Variants in CDH4 observed in about 807,000 individuals in gnomAD.
The protein encoded by CDH4 is cadherin-4.
A neutral mutation model predicts 86.0 loss-of-function variants in CDH4; 33 were observed. That is an observed-to-expected ratio of 0.38 (90% CI 0.29 to 0.51). The LOEUF (loss-of-function observed/expected upper bound fraction) is 0.51, where lower values mean the gene tolerates loss of function less well. Ranked by LOEUF, CDH4 falls within the 20% of genes least tolerant of loss-of-function variation. The pLI, the probability that CDH4 is intolerant of heterozygous loss-of-function variation, is 0.86. For missense variants in CDH4, 1,114 were observed against 1,307.4 expected (o/e 0.85, Z 2.28); for synonymous variants, 555 against 549.4 (o/e 1.01, Z -0.14).
intron 2 of CDH4, among the ~76,000 whole-genome samples, chr20:61,404,802 G>A (rs967682147): frequency 1.3e-5 from 2 of 151,698 alleles, no homozygotes; most frequent in African/African-American, 4.8e-5. Flanking sequence ...TGTAATCCCA[G>A]CACTTTAGGA....
At chr20:61,274,122 T>A (rs1217120980) in intron 2 of CDH4, among the ~76,000 whole-genome samples, 1 of 125,696 alleles carries the variant, frequency 8.0e-6, no homozygotes, top group Non-Finnish European at 1.6e-5. Flanking sequence ...TTTGGGGGAG[T>A]ATTGGAGTAC....
chr20:61,534,080 C>T (rs944414356), intron 2 of CDH4, among the ~76,000 whole-genome samples: 2 of 152,214 alleles, frequency 1.3e-5, no homozygotes, highest in Non-Finnish European at 2.9e-5. Flanking sequence ...AACTCAATTT[C>T]TATCTTAAAT....
chr20:61,899,399 C>T (rs1776249), intron 8 of CDH4, among the ~76,000 whole-genome samples: 19,567 of 151,970 alleles, frequency 0.13, 2,940 homozygotes, highest in East Asian at 0.44. Flanking sequence ...ATCTATTCCC[C>T]GTCCCAAGCA....
chr20:61,456,372 TTC>T (rs2085407013), intron 2 of CDH4, among the ~76,000 whole-genome samples: 1 of 152,204 alleles, frequency 6.6e-6, no homozygotes. Context: ...AGGCCAGTGG[TTC>T]TCTGCTACGG....
At chr20:61,659,646 G>T (rs938809524) in intron 2 of CDH4, among the ~76,000 whole-genome samples, 1 of 145,178 alleles carries the variant, frequency 6.9e-6, no homozygotes, top group African/African-American at 2.6e-5. Flanking sequence ...GAGGCTTGGA[G>T]GCAGGAGGAG....
rs1241858976 is a variant in CDH4 at position 61,852,763 on chromosome 20, C to T, written c.742C>T (p.His248Tyr). ...TCTGCTGCTTTTCCAGCTCCGAGCC[C>T]ACGCTGTGGACATGAATGGCAACAA... ...EEHASYHLRA[H>Y]AVDMNGNKVE... Residue 248 changes from histidine (H) to tyrosine (Y), a missense_variant, in exon 6 of 16, where the codon CAC becomes TAC. By Grantham distance (83) the His-to-Tyr change is moderately conservative. Around this residue, in one of 3 missense-constraint regions of CDH4, gnomAD observed 705 missense variants for 914.1 expected, o/e 0.77. Transcript: ENST00000614565. The T allele has an allele frequency of 6.2e-7, 1 of 1,612,032 alleles. No individual in the cohort carries two copies.
intron 4 of CDH4, among the ~76,000 whole-genome samples, chr20:61,822,562 G>A (rs569466537): frequency 7.2e-5 from 11 of 152,290 alleles, no homozygotes; most frequent in East Asian, 5.8e-4. Flanking sequence ...ACAGCCACAC[G>A]GCAGGGAGGG....
At position 61,874,050 on chromosome 20, in the gene CDH4, G is replaced by A. The variant is rs1021744246; in HGVS notation, c.1050+150G>A. 9.3e-5 allele frequency: 74 copies of A among 799,374 alleles called. No individual in the cohort carries two copies. The African/African-American group carries it at 1.2e-3, about 12-fold the overall frequency. 49.5% of individuals were successfully genotyped at this position (799,374 alleles called of 1,614,324 possible). A position where few individuals can be genotyped will look rare whatever the true frequency, so the allele number is the denominator to read the frequency against. On this transcript the variant is annotated intron_variant, in intron 7 of 15. Coordinates refer to ENST00000614565, the MANE Select transcript of CDH4 (RefSeq NM_001794.5). The stretch of plus-strand genomic sequence containing the variant: ...ACTCTCTTGCCATGGGAGAGACTCA[G>A]CAAAGGAGGCTCTGGAGCACTCAGC...
intron 6 of CDH4, among the ~76,000 whole-genome samples, chr20:61,855,413 G>T (rs1218845380): frequency 1.3e-5 from 2 of 152,190 alleles, no homozygotes; most frequent in African/African-American, 4.8e-5. Context: ...CAGGCAGGGG[G>T]TGAGCAGATT....
chr20:61,342,022 G>A (rs6015950), intron 2 of CDH4, among the ~76,000 whole-genome samples: 29,788 of 152,198 alleles, frequency 0.2, 2,950 homozygotes, highest in Middle Eastern at 0.35. Flanking sequence ...CATAGTGGGT[G>A]AGGCTGTTGG....
chr20:61,923,605 A>G lies in CDH4; in HGVS notation c.1529A>G (p.Asn510Ser). Residue 510 changes from asparagine (N) to serine (S), a missense_variant, in exon 10 of 16, where the codon AAC becomes AGC. Physicochemically the swap from Asn to Ser is conservative, Grantham distance 46 (BLOSUM62 1). Coordinates refer to ENST00000614565, the MANE Select transcript of CDH4 (RefSeq NM_001794.5). ...DINEAPYFPS[N>S]HKLIRLEEGV... Reference sequence around the variant, plus strand: ...AACGAGGCTCCCTACTTCCCCTCAAACCACAAGCTGATCCGCCTGGAGGAG... The same window carrying G: ...AACGAGGCTCCCTACTTCCCCTCAAGCCACAAGCTGATCCGCCTGGAGGAG... The G allele has an allele frequency of 6.2e-7, 1 of 1,614,032 alleles. No individual in the cohort carries two copies. Among genetic ancestry groups the G allele is most frequent in the Non-Finnish European group, 8.5e-7 (1 of 1,179,980 alleles).
intron 2 of CDH4, among the ~76,000 whole-genome samples, chr20:61,610,632 C>T (rs943525296): frequency 1.3e-5 from 2 of 152,120 alleles, no homozygotes; most frequent in Non-Finnish European, 2.9e-5. Context: ...TATGAGGGCT[C>T]CCCTTTCCCT....
At chr20:61,599,498 C>A (rs2086581606) in intron 2 of CDH4, among the ~76,000 whole-genome samples, 1 of 152,212 alleles carries the variant, frequency 6.6e-6, no homozygotes, top group African/African-American at 2.4e-5. Flanking sequence ...CCCCCCTGAC[C>A]CCACTGTGGC....
At chr20:61,457,451 T>C (rs2085413661) in intron 2 of CDH4, among the ~76,000 whole-genome samples, 1 of 152,136 alleles carries the variant, frequency 6.6e-6, no homozygotes, top group Non-Finnish European at 1.5e-5. Context: ...GTGGTGACTG[T>C]GATGTGAGTG....
intron 2 of CDH4, among the ~76,000 whole-genome samples, chr20:61,256,095 A>G (rs1388181999): frequency 6.6e-6 from 1 of 152,216 alleles, no homozygotes; most frequent in Admixed American, 6.5e-5. Flanking sequence ...TACTCTGTTA[A>G]TTGCACTGTG....
At chr20:61,653,004 T>C (rs1218589165) in intron 2 of CDH4, among the ~76,000 whole-genome samples, 6 of 115,974 alleles carry the variant, frequency 5.2e-5, no homozygotes, top group East Asian at 2.2e-4. Flanking sequence ...GGCAGGGTCA[T>C]AGGACAATAG....
chr20:61,328,166 TA>T (rs1471040617), intron 2 of CDH4, among the ~76,000 whole-genome samples: 1 of 152,178 alleles, frequency 6.6e-6, no homozygotes, highest in Admixed American at 6.5e-5. Context: ...TACTCTCTAA[TA>T]AAATTGCTAT....
At chr20:61,489,012 G>A (rs1463357656) in intron 2 of CDH4, among the ~76,000 whole-genome samples, 1 of 152,030 alleles carries the variant, frequency 6.6e-6, no homozygotes, top group Non-Finnish European at 1.5e-5. Flanking sequence ...ACACTTCAAT[G>A]CGTTACTGTG....
At chr20:61,916,491 A>G (rs889117262) in intron 9 of CDH4, among the ~76,000 whole-genome samples, 1 of 152,264 alleles carries the variant, frequency 6.6e-6, no homozygotes, top group Non-Finnish European at 1.5e-5. Flanking sequence ...GACTGAATCA[A>G]TGGTATTAGC....
Sources: gnomAD v4.1 joint callset for allele counts (sites outside exome capture counted in the v4.1 genomes callset) on GRCh38, gnomAD v4.1.1 for gene constraint, gnomAD v4.1.1 regional missense constraint, MANE v1.5 for transcripts, NCBI Gene and HGNC (gene_info 2026-07-23, HGNC 2026-07-21) for gene names.